The following KCNIP4 variants were observed in gnomAD, a reference collection of about 807,000 sequenced individuals.
The protein encoded by KCNIP4 is Kv channel-interacting protein 4.
Under a neutral mutation model 34.0 loss-of-function variants are expected in KCNIP4, and 12 were observed. The ratio of observed to expected loss-of-function variants is 0.35; its 90% confidence interval spans 0.23 to 0.57. KCNIP4 has a LOEUF of 0.57. Ranked by LOEUF, KCNIP4 falls within the 20% of genes least tolerant of loss-of-function variation. KCNIP4 has a pLI of 0.83. For synonymous variants in KCNIP4, 124 were observed against 102.2 expected (o/e 1.21, Z -1.29); for missense variants, 238 against 311.7 (o/e 0.76, Z 1.78).
intron 1 of KCNIP4, among the ~76,000 whole-genome samples, chr4:21,042,482 C>T (rs1742053334): frequency 6.6e-6 from 1 of 152,040 alleles, no homozygotes; most frequent in Admixed American, 6.6e-5. Flanking sequence ...TAAAAAGTTG[C>T]TTTCATAGAA....
Position 21,714,785 on chromosome 4 carries a change from G to GATT in KCNIP4, c.61+233783_61+233785dup, listed in dbSNP as rs201662586. Among the ~76,000 whole-genome samples the GATT allele has an allele frequency of 3.9e-4, 17 of 43,372 alleles. 7 individuals carry two copies. The highest frequency in any genetic ancestry group is 3.3e-3 in the East Asian group (3 of 900). 28.5% of individuals were successfully genotyped at this position (43,372 alleles called of 152,430 possible). ...AAGAATGTGTTAGTAATTTCCCTTT[G>GATT]ATTATTTTATTTTATTTTATTTTAT... On this transcript the variant is annotated intron_variant, in intron 1 of 8. Transcript: ENST00000382152.
At chr4:21,607,035 T>A (rs1302677181) in intron 1 of KCNIP4, among the ~76,000 whole-genome samples, 1 of 152,122 alleles carries the variant, frequency 6.6e-6, no homozygotes, top group Non-Finnish European at 1.5e-5. Context: ...CAACCTTTTT[T>A]TTTTTTTATA....
chr4:21,137,939 T>A (rs1751637816), intron 1 of KCNIP4, among the ~76,000 whole-genome samples: 1 of 146,850 alleles, frequency 6.8e-6, no homozygotes, highest in East Asian at 2.1e-4. Flanking sequence ...TGGTATGACC[T>A]CAGCTCACTG....
chr4:21,841,805 A>G (rs1723704901), intron 1 of KCNIP4, among the ~76,000 whole-genome samples: 1 of 152,328 alleles, frequency 6.6e-6, no homozygotes, highest in East Asian at 1.9e-4. Flanking sequence ...TTAGTTGTTT[A>G]TAAAATGTTA....
intron 1 of KCNIP4, among the ~76,000 whole-genome samples, chr4:21,553,171 A>T (rs1738716858): frequency 6.6e-6 from 1 of 152,104 alleles, no homozygotes. Context: ...TTGGAATAAC[A>T]AGTTGTGAGC....
chr4:21,917,311 A>G (rs1728686146), intron 1 of KCNIP4, among the ~76,000 whole-genome samples: 1 of 151,732 alleles, frequency 6.6e-6, no homozygotes, highest in Non-Finnish European at 1.5e-5. Flanking sequence ...ATTTTTTTGT[A>G]TTTTTAATAG....
intron 1 of KCNIP4, among the ~76,000 whole-genome samples, chr4:21,735,273 A>C (rs1018795662): frequency 2.0e-5 from 3 of 152,170 alleles, no homozygotes; most frequent in Non-Finnish European, 2.9e-5. Flanking sequence ...CCAATTGCTA[A>C]ATTTTCAGAA....
chr4:21,595,042 A>G (rs1158777147), intron 1 of KCNIP4, among the ~76,000 whole-genome samples: 2 of 152,146 alleles, frequency 1.3e-5, no homozygotes, highest in Non-Finnish European at 2.9e-5. Context: ...TTACATAGGT[A>G]TACATGTGCC....
At chr4:21,105,853 T>G (rs1748469510) in intron 1 of KCNIP4, among the ~76,000 whole-genome samples, 1 of 151,618 alleles carries the variant, frequency 6.6e-6, no homozygotes, top group African/African-American at 2.4e-5. Flanking sequence ...ATTGAGATAA[T>G]CATGTAGTTT....
chr4:21,646,409 G>A (rs1021434315), intron 1 of KCNIP4, among the ~76,000 whole-genome samples: 12 of 152,090 alleles, frequency 7.9e-5, no homozygotes, highest in Admixed American at 4.6e-4. Flanking sequence ...AGTCAATATT[G>A]TTGTCTTTGT....
In KCNIP4 at chr4:21,089,471, A is replaced by C. The variant is rs150748996; in HGVS notation, c.62-206762T>G. Reference sequence around the variant, plus strand: ...CCAGTCTCAGGTTGTTCTTTACAGCAATGTGAGAATGAACTAATACAGCAC... The same window carrying C: ...CCAGTCTCAGGTTGTTCTTTACAGCCATGTGAGAATGAACTAATACAGCAC... On this transcript the variant is annotated intron_variant, in intron 1 of 8. Coordinates refer to ENST00000382152, the MANE Select transcript of KCNIP4 (RefSeq NM_025221.6). 5.5e-3 allele frequency among the ~76,000 whole-genome samples: 834 copies of C among 152,346 alleles called. 11 individuals are homozygous for C. Among genetic ancestry groups the C allele is most frequent in the African/African-American group, 0.019 (800 of 41,570 alleles).
Position 20,860,883 on chromosome 4 carries a change from A to T in KCNIP4, c.164-10216T>A, listed in dbSNP as rs577377181. Among the ~76,000 whole-genome samples, 213 of 152,308 alleles carry T rather than the reference A, an allele frequency of 1.4e-3. 1 individual carries two copies. The highest frequency in any genetic ancestry group is 4.9e-3 in the African/African-American group (204 of 41,572). The stretch of plus-strand genomic sequence containing the variant: ...ATGTTCAAGTCTGATACATCAGGAC[A>T]AAGAAAAAGCTGCCTGGAGGAAGAT... On this transcript the variant is annotated intron_variant, in intron 2 of 8. Transcript: ENST00000382152.
intron 1 of KCNIP4, among the ~76,000 whole-genome samples, chr4:21,675,597 T>A (rs971886004): frequency 3.9e-5 from 6 of 152,140 alleles, no homozygotes; most frequent in Admixed American, 3.9e-4. Context: ...CCAATTTTTT[T>A]ATTAAAAGAA....
intron 1 of KCNIP4, among the ~76,000 whole-genome samples, chr4:21,804,219 A>G (rs1426045024): frequency 1.3e-5 from 2 of 152,256 alleles, no homozygotes; most frequent in African/African-American, 4.8e-5. Context: ...ATGCAAGGCT[A>G]AAATGATGGT....
intron 1 of KCNIP4, among the ~76,000 whole-genome samples, chr4:21,889,889 C>A (rs1560790077): frequency 6.6e-6 from 1 of 152,100 alleles, no homozygotes; most frequent in South Asian, 2.1e-4. Context: ...CATGTGGGCT[C>A]CCAGAGTCTT....
At chr4:20,822,468 G>T (rs116612005) in intron 3 of KCNIP4, among the ~76,000 whole-genome samples, 4 of 152,318 alleles carry the variant, frequency 2.6e-5, no homozygotes, top group African/African-American at 9.6e-5. Context: ...CTTTTACACA[G>T]CTGGTGGGAA....
At chr4:20,734,907 CCTT>C (rs1231720724) in intron 5 of KCNIP4, among the ~76,000 whole-genome samples, 172 bp from the exon 6 acceptor site, 1 of 152,044 alleles carries the variant, frequency 6.6e-6, no homozygotes, top group Non-Finnish European at 1.5e-5. Flanking sequence ...ATAAATCACT[CCTT>C]AGTCTTAACA....
intron 1 of KCNIP4, among the ~76,000 whole-genome samples, chr4:21,883,034 T>C (rs1211939195): frequency 1.3e-5 from 2 of 152,088 alleles, no homozygotes; most frequent in Non-Finnish European, 2.9e-5. Context: ...ATAGACCTTA[T>C]ATTCTATGCT....
At chr4:21,647,887 TTTTTTA>T (rs1425376681) in intron 1 of KCNIP4, among the ~76,000 whole-genome samples, 1 of 143,932 alleles carries the variant, frequency 6.9e-6, no homozygotes, top group African/African-American at 2.6e-5. Context: ...TTTTTTTTTT[TTTTTTA>T]GACAGTGTCT....
Sources: gnomAD v4.1 joint callset for allele counts (sites outside exome capture counted in the v4.1 genomes callset) on GRCh38, gnomAD v4.1.1 for gene constraint, MANE v1.5 for transcripts, NCBI Gene and HGNC (gene_info 2026-07-23, HGNC 2026-07-21) for gene names.